The following GOLGA7 variants were observed in gnomAD, a reference collection of about 807,000 sequenced individuals.
The protein encoded by GOLGA7 is golgin subfamily A member 7.
Under a neutral mutation model 21.1 loss-of-function variants are expected in GOLGA7, and 10 were observed. The observed-to-expected ratio is 0.47, with a 90% CI of 0.29 to 0.80. The LOEUF (loss-of-function observed/expected upper bound fraction) is 0.80. Among genes scored for constraint, GOLGA7 ranks in the 30% least tolerant of loss-of-function variants. GOLGA7 has a pLI of 0.08. For synonymous variants in GOLGA7, 64 were observed against 62.6 expected, an observed-to-expected ratio of 1.02 and a Z score of -0.10; for missense variants, 114 against 166.8, an observed-to-expected ratio of 0.68 and a Z score of 1.74.
At chr8:41,500,677 A>G (rs948921845) in intron 2 of GOLGA7, among the ~76,000 whole-genome samples, 2 of 152,190 alleles carry the variant, frequency 1.3e-5, no homozygotes, top group African/African-American at 4.8e-5. Flanking sequence ...CGATCCTCTC[A>G]CCTCAGCCTC....
intron 1 of GOLGA7, among the ~76,000 whole-genome samples, chr8:41,494,881 A>G (rs1009245917): frequency 2.0e-5 from 3 of 152,064 alleles, no homozygotes; most frequent in African/African-American, 7.2e-5. Context: ...TAACTTAAAG[A>G]GTTGTCATAG....
chr8:41,503,922 A>C (rs921542449), intron 2 of GOLGA7, among the ~76,000 whole-genome samples: 5 of 149,970 alleles, frequency 3.3e-5, no homozygotes, highest in African/African-American at 9.9e-5. Flanking sequence ...TTGAACAATG[A>C]GATCACATGG....
In GOLGA7 at chr8:41,510,760, T is replaced by C. The variant is rs1364994870; in HGVS notation, c.*1192T>C. The C allele has an allele frequency of 2.0e-5, 3 of 152,812 alleles. No homozygotes were observed. Among genetic ancestry groups the C allele is most frequent in the East Asian group, 1.9e-4 (1 of 5,210 alleles). 9.5% of individuals were successfully genotyped at this position (152,812 alleles called of 1,614,324 possible). On this transcript the variant is annotated 3_prime_UTR_variant, in exon 5 of 5. Coordinates refer to ENST00000357743, the MANE Select transcript of GOLGA7 (RefSeq NM_001002296.2). The stretch of plus-strand genomic sequence containing the variant: ...AGAGAGAAACCATTAAAAGTTTCAC[T>C]GTCAGATATATTGTAGGTGCTAATA...
chr8:41,497,706 G>A (rs1248672730), intron 2 of GOLGA7, 45 bp downstream of exon 2: 3 of 1,070,654 alleles, frequency 2.8e-6, no homozygotes, highest in Admixed American at 3.9e-5. Context: ...AAATCATGAA[G>A]AAGGCAAGTT....
chr8:41,492,610 C>T (rs145642113), intron 1 of GOLGA7, among the ~76,000 whole-genome samples: 4 of 151,972 alleles, frequency 2.6e-5, no homozygotes, highest in African/African-American at 9.7e-5. Flanking sequence ...TGCAGTGAGC[C>T]GAGATCATGC....
chr8:41,498,424 G>C (rs1014318976), intron 2 of GOLGA7, among the ~76,000 whole-genome samples: 1 of 152,122 alleles, frequency 6.6e-6, no homozygotes, highest in African/African-American at 2.4e-5. Flanking sequence ...TCAAGGCCCT[G>C]CTCAAGTTGA....
intron 4 of GOLGA7, among the ~76,000 whole-genome samples, chr8:41,508,955 C>T (rs1048003247): frequency 6.6e-6 from 1 of 152,216 alleles, no homozygotes; most frequent in African/African-American, 2.4e-5. Context: ...TAACAAAAGA[C>T]TACACAAACA....
chr8:41,510,767 T>G lies in GOLGA7; in HGVS notation c.*1199T>G, dbSNP rs11337. 141,424 of 152,784 alleles carry G rather than the reference T, an allele frequency of 0.93. 65,637 individuals carry two copies. The highest frequency in any genetic ancestry group is 0.97 in the Middle Eastern group (284 of 294). The allele number at this position is 152,784 out of a possible 1,614,324, so 9.5% of individuals were successfully genotyped here. A position where few individuals can be genotyped will look rare whatever the true frequency, so the allele number is the denominator to read the frequency against. On this transcript the variant is annotated 3_prime_UTR_variant, in exon 5 of 5. Transcript: ENST00000357743. ...AACCATTAAAAGTTTCACTGTCAGATATATTGTAGGTGCTAATACTGGATT... is the reference window on the plus strand; with the variant it reads ...AACCATTAAAAGTTTCACTGTCAGAGATATTGTAGGTGCTAATACTGGATT...
chr8:41,492,125 G>A (rs1486361475), intron 1 of GOLGA7, among the ~76,000 whole-genome samples: 1 of 152,180 alleles, frequency 6.6e-6, no homozygotes, highest in African/African-American at 2.4e-5. Flanking sequence ...TATGTTTCTT[G>A]AATTGCAAAT....
intron 2 of GOLGA7, among the ~76,000 whole-genome samples, chr8:41,504,217 C>A (rs1480152682): frequency 1.3e-5 from 2 of 151,578 alleles, no homozygotes; most frequent in Non-Finnish European, 2.9e-5. Context: ...TTTCTTTGCT[C>A]GTAACCTGTA....
chr8:41,497,462 ATT>A (rs763329840), intron 1 of GOLGA7, 45 bp from the exon 2 acceptor site: 3 of 1,028,334 alleles, frequency 2.9e-6, no homozygotes, highest in Admixed American at 2.5e-5. Context: ...GCATTAGTTG[ATT>A]TTTTTTTTCC....
chr8:41,508,604 G>A (rs1806346572), intron 4 of GOLGA7, among the ~76,000 whole-genome samples: 1 of 152,190 alleles, frequency 6.6e-6, no homozygotes, highest in South Asian at 2.1e-4. Context: ...CATTTGTCAT[G>A]ACTCATTTTG....
chr8:41,505,724 C>T, intron 2 of GOLGA7, 187 bp from the exon 3 acceptor site: 1 of 465,518 alleles, frequency 2.1e-6, no homozygotes, highest in Non-Finnish European at 3.8e-6. Flanking sequence ...TGGAAGAGTC[C>T]CTCACACTTG....
intron 2 of GOLGA7, among the ~76,000 whole-genome samples, chr8:41,503,067 A>C (rs1181840339): frequency 6.6e-6 from 1 of 152,024 alleles, no homozygotes; most frequent in Non-Finnish European, 1.5e-5. Context: ...TTTGAGACTA[A>C]GTTTTAAAGC....
intron 2 of GOLGA7, among the ~76,000 whole-genome samples, chr8:41,499,536 G>T (rs1375014288): frequency 6.6e-6 from 1 of 152,168 alleles, no homozygotes; most frequent in Admixed American, 6.5e-5. Flanking sequence ...GCCGCTCGAT[G>T]ACCGAACTCT....
intron 1 of GOLGA7, among the ~76,000 whole-genome samples, chr8:41,492,709 T>G (rs1796164726): frequency 6.6e-6 from 1 of 152,234 alleles, no homozygotes; most frequent in African/African-American, 2.4e-5. Context: ...AATCAAATGT[T>G]TTATTTTTAA....
intron 4 of GOLGA7, among the ~76,000 whole-genome samples, chr8:41,509,214 A>G (rs1806361682): frequency 6.6e-6 from 1 of 152,236 alleles, no homozygotes; most frequent in South Asian, 2.1e-4. Context: ...CTAAATGCTT[A>G]ATTTTAATCA....
In GOLGA7 at chr8:41,490,781, C is replaced by T. The variant is rs1585591169; in HGVS notation, c.-74C>T. 1 of 802,918 alleles carries T rather than the reference C, an allele frequency of 1.2e-6. No individual in the cohort carries two copies. The highest frequency in any genetic ancestry group is 2.7e-5 in the East Asian group (1 of 37,500). 49.7% of individuals were successfully genotyped at this position (802,918 alleles called of 1,614,324 possible). A position where few individuals can be genotyped will look rare whatever the true frequency, so the allele number is the denominator to read the frequency against. On this transcript the variant is annotated 5_prime_UTR_variant, in exon 1 of 5. Transcript: ENST00000357743. ...GCGAGGGGCTGGCGGGTCAGAGTCCCGGGTCCAGGCCGGGGCTCTGACTCG... is the reference window on the plus strand; with the variant it reads ...GCGAGGGGCTGGCGGGTCAGAGTCCTGGGTCCAGGCCGGGGCTCTGACTCG...
rs1243050036 is a variant in GOLGA7 at position 41,490,640 on chromosome 8, C to T, written c.-215C>T. 7.4e-6 allele frequency: 4 copies of T among 538,210 alleles called. No individual in the cohort carries two copies. Among genetic ancestry groups the T allele is most frequent in the Non-Finnish European group, 1.3e-5 (4 of 304,960 alleles). 33.3% of individuals were successfully genotyped at this position (538,210 alleles called of 1,614,324 possible). A position where few individuals can be genotyped will look rare whatever the true frequency, so the allele number is the denominator to read the frequency against. On this transcript the variant is annotated 5_prime_UTR_variant, in exon 1 of 5. Coordinates refer to ENST00000357743, the MANE Select transcript of GOLGA7 (RefSeq NM_001002296.2). ...CGGGTTTGTGTTTCCCGGGCCGAACCGGGTTGTGGGGGGCGCGGGGCCTGG... is the reference window on the plus strand; with the variant it reads ...CGGGTTTGTGTTTCCCGGGCCGAACTGGGTTGTGGGGGGCGCGGGGCCTGG...
Sources: allele counts gnomAD v4.1 joint callset (sites outside exome capture counted in the v4.1 genomes callset), GRCh38; gene constraint gnomAD v4.1.1; transcripts MANE v1.5; gene names NCBI Gene and HGNC (gene_info 2026-07-23, HGNC 2026-07-21).